Variants in GRIA4 observed in about 807,000 individuals in gnomAD.
GRIA4 encodes glutamate receptor 4.
A neutral mutation model predicts 104.0 loss-of-function variants in GRIA4; 34 were observed. The ratio of observed to expected loss-of-function variants is 0.33; its 90% confidence interval spans 0.25 to 0.44. GRIA4 has a LOEUF of 0.44. Among genes scored for constraint, GRIA4 ranks in the 20% least tolerant of loss-of-function variants. GRIA4 has a pLI of 1.00. For synonymous variants in GRIA4, 386 were observed against 381.9 expected, an observed-to-expected ratio of 1.01 and a Z score of -0.13; for missense variants, 750 against 1,096.5, an observed-to-expected ratio of 0.68 and a Z score of 4.46.
chr11:105,672,522 T>C (rs1952407657), intron 3 of GRIA4, among the ~76,000 whole-genome samples: 1 of 152,170 alleles, frequency 6.6e-6, no homozygotes, highest in African/African-American at 2.4e-5. Flanking sequence ...TTTCTAATGA[T>C]AATGTTAAAA....
chr11:105,975,458 A>G (rs995986827), intron 16 of GRIA4, among the ~76,000 whole-genome samples: 4 of 152,216 alleles, frequency 2.6e-5, no homozygotes, highest in South Asian at 4.1e-4. Flanking sequence ...TCAGTAAAAT[A>G]TAGGAGTTGG....
rs1262966166 is a variant in GRIA4 at position 105,795,484 on chromosome 11, GA to G, written c.487+42266del. On this transcript the variant is annotated intron_variant, in intron 4 of 16. Transcript: ENST00000282499. The stretch of plus-strand genomic sequence containing the variant: ...TTTATTACGAAAGGAACTAGAGTGT[GA>G]ATGTGTGATGTGGACGTTTGGGTGC... Among the ~76,000 whole-genome samples the G allele has an allele frequency of 2.0e-5, 3 of 152,134 alleles. No homozygotes were observed. The South Asian group carries it at 6.2e-4, about 32-fold the overall frequency.
intron 3 of GRIA4, among the ~76,000 whole-genome samples, chr11:105,694,243 G>C (rs1359850726): frequency 1.3e-5 from 2 of 151,822 alleles, no homozygotes; most frequent in Non-Finnish European, 2.9e-5. Context: ...TCTGCCTCCA[G>C]GGTTCAAGCG....
intron 10 of GRIA4, among the ~76,000 whole-genome samples, chr11:105,917,529 G>A (rs1412435900): frequency 1.3e-5 from 2 of 152,106 alleles, no homozygotes; most frequent in Non-Finnish European, 2.9e-5. Flanking sequence ...CCCCAATTAT[G>A]AACTTTCTGG....
At chr11:105,653,990 CTATT>C (rs1336698134) in intron 3 of GRIA4, among the ~76,000 whole-genome samples, 3 of 50,224 alleles carry the variant, frequency 6.0e-5, no homozygotes, top group Non-Finnish European at 1.1e-4. Flanking sequence ...CAACGGAACA[CTATT>C]TAGCCAAAAA....
chr11:105,850,340 T>G (rs187177044), intron 4 of GRIA4, among the ~76,000 whole-genome samples: 22 of 152,324 alleles, frequency 1.4e-4, no homozygotes, highest in African/African-American at 4.6e-4. Context: ...TTCAGAAAAC[T>G]TGCCTACATT....
chr11:105,845,930 A>T (rs1293294124), intron 4 of GRIA4, among the ~76,000 whole-genome samples: 4 of 152,184 alleles, frequency 2.6e-5, no homozygotes, highest in Non-Finnish European at 5.9e-5. Flanking sequence ...ACTATCCCAT[A>T]GAGTTGTTTT....
At chr11:105,951,762 A>G (rs957499163) in intron 14 of GRIA4, among the ~76,000 whole-genome samples, 1 of 152,116 alleles carries the variant, frequency 6.6e-6, no homozygotes, top group Non-Finnish European at 1.5e-5. Context: ...GTTCGAGACC[A>G]GCATGGGCAA....
chr11:105,859,528 A>T (rs1312580480), intron 4 of GRIA4, among the ~76,000 whole-genome samples: 1 of 152,190 alleles, frequency 6.6e-6, no homozygotes, highest in African/African-American at 2.4e-5. Context: ...TATAAATTTC[A>T]TCAGAAGGTG....
intron 6 of GRIA4, among the ~76,000 whole-genome samples, chr11:105,894,338 G>A (rs1432778619): frequency 4.6e-5 from 7 of 151,900 alleles, no homozygotes; most frequent in African/African-American, 9.7e-5. Context: ...TTGCTGGATG[G>A]CTTTGAATAG....
intron 3 of GRIA4, among the ~76,000 whole-genome samples, chr11:105,746,441 G>T (rs1335814035): frequency 6.6e-6 from 1 of 150,632 alleles, no homozygotes; most frequent in Non-Finnish European, 1.5e-5. Context: ...AGTGCACAGA[G>T]TATTATGGCA....
At chr11:105,899,701 G>A (rs964397697) in intron 7 of GRIA4, among the ~76,000 whole-genome samples, 10 of 152,104 alleles carry the variant, frequency 6.6e-5, no homozygotes, top group African/African-American at 1.9e-4. Context: ...GTTAAGTTCT[G>A]CTAGCCTCTG....
At chr11:105,850,333 A>G (rs183314636) in intron 4 of GRIA4, among the ~76,000 whole-genome samples, 220 of 152,346 alleles carry the variant, frequency 1.4e-3, no homozygotes, top group African/African-American at 4.9e-3. Flanking sequence ...ATACCTATTC[A>G]GAAAACTTGC....
chr11:105,670,218 A>T (rs2135435165), intron 3 of GRIA4, among the ~76,000 whole-genome samples: 1 of 152,296 alleles, frequency 6.6e-6, no homozygotes, highest in East Asian at 1.9e-4. Context: ...CAAGGAGAGC[A>T]TATACAGTAC....
At chr11:105,966,087 G>T in intron 14 of GRIA4, 1 of 1,492,154 alleles carries the variant, frequency 6.7e-7, no homozygotes, top group Middle Eastern at 1.7e-4. Flanking sequence ...ACCAAAAGCG[G>T]GTAAACAGTA....
intron 3 of GRIA4, among the ~76,000 whole-genome samples, chr11:105,656,658 A>AT (rs1299693266): frequency 1.3e-5 from 2 of 151,930 alleles, no homozygotes; most frequent in African/African-American, 2.4e-5. Flanking sequence ...AGGCGTTTAG[A>AT]TTTTTTTTGT....
At chr11:105,898,471 A>T in intron 7 of GRIA4, 44 bp downstream of exon 7, 1 of 1,162,228 alleles carries the variant, frequency 8.6e-7, no homozygotes, top group Non-Finnish European at 1.2e-6. Flanking sequence ...TAGTTTCAAA[A>T]TTTAAGATGA....
At chr11:105,973,030 A>T (rs1384592702) in intron 15 of GRIA4, among the ~76,000 whole-genome samples, 1 of 152,178 alleles carries the variant, frequency 6.6e-6, no homozygotes, top group East Asian at 1.9e-4. Flanking sequence ...TCTGCCCTTT[A>T]ACCAGAGTGG....
chr11:105,793,706 T>C (rs551999451), intron 4 of GRIA4, among the ~76,000 whole-genome samples: 32 of 152,210 alleles, frequency 2.1e-4, no homozygotes, highest in African/African-American at 7.7e-4. Flanking sequence ...TCATGGAATG[T>C]CTGGTAGACA....
Sources: gnomAD v4.1 joint callset for allele counts (sites outside exome capture counted in the v4.1 genomes callset) on GRCh38, gnomAD v4.1.1 for gene constraint, MANE v1.5 for transcripts, NCBI Gene and HGNC (gene_info 2026-07-23, HGNC 2026-07-21) for gene names.